Variants in RXFP2 observed in about 807,000 individuals in gnomAD.
RXFP2 encodes relaxin receptor 2.
In RXFP2, 68 loss-of-function variants were observed where a neutral mutation model predicts 88.6. The ratio of observed to expected loss-of-function variants is 0.77; its 90% CI spans 0.63 to 0.94. RXFP2 has a LOEUF of 0.94. Ranked by LOEUF, RXFP2 falls within the 40% of genes least tolerant of loss-of-function variation. The probability of loss-of-function intolerance (pLI) is 0.00; values close to 1 mark genes in which losing one functional copy is unlikely to be tolerated. For synonymous variants in RXFP2, 329 were observed against 306.8 expected (o/e 1.07, Z -0.76); for missense variants, 791 against 893.9 (o/e 0.88, Z 1.47).
chr13:31,741,095 T>C (rs1871209845), intron 1 of RXFP2, among the ~76,000 whole-genome samples: 1 of 152,110 alleles, frequency 6.6e-6, no homozygotes, highest in Non-Finnish European at 1.5e-5. Context: ...TTAATTGATT[T>C]TGCTTAAACC....
chr13:31,791,814 A>G lies in RXFP2; in HGVS notation c.1154A>G (p.Lys385Arg). 6.2e-7 allele frequency: 1 copy of G among 1,613,770 alleles called. No individual in the cohort carries two copies. Among genetic ancestry groups the G allele is most frequent in the Non-Finnish European group, 8.5e-7 (1 of 1,179,706 alleles). ...TTTCCCTTTGACTTTAGTTATTTCA[A>G]AAACTTTCGATACTGCTCCTATGCT... ...PMKNLSHIYF[K>R]NFRYCSYAPH... Residue 385 changes from lysine (K) to arginine (R), a missense_variant, in exon 15 of 18, where the codon AAA becomes AGA. Transcript: ENST00000298386.
intron 16 of RXFP2, among the ~76,000 whole-genome samples, chr13:31,794,401 CA>C (rs1566237264): frequency 5.5e-4 from 82 of 149,742 alleles, no homozygotes; most frequent in African/African-American, 2.0e-3. Context: ...CACACACACA[CA>C]CACACACCAT....
chr13:31,765,271 G>T (rs1213284147), intron 4 of RXFP2, 129 bp downstream of exon 4: 9 of 668,134 alleles, frequency 1.3e-5, no homozygotes, highest in Non-Finnish European at 2.4e-5. Flanking sequence ...AGTCATCAGA[G>T]AATTCTCCAT....
chr13:31,759,436 A>T (rs1029560306), intron 2 of RXFP2, among the ~76,000 whole-genome samples: 1 of 150,898 alleles, frequency 6.6e-6, no homozygotes, highest in Admixed American at 6.6e-5. Context: ...AAAGAAAGAA[A>T]GAAAGAAAGA....
At chr13:31,799,162 T>C (rs1395358242) in intron 17 of RXFP2, among the ~76,000 whole-genome samples, 2 of 151,412 alleles carry the variant, frequency 1.3e-5, no homozygotes, top group Non-Finnish European at 1.5e-5. Context: ...CCAAGAGTGA[T>C]GGAATAGGGG....
In RXFP2 at chr13:31,791,824, A is replaced by G; in HGVS notation, c.1164A>G (p.Arg388=). Residue 388 remains arginine (R), a synonymous_variant, in exon 15 of 18, where the codon CGA becomes CGG. Coordinates refer to ENST00000298386, the MANE Select transcript of RXFP2 (RefSeq NM_130806.5). The part of the protein sequence containing the change: ...NLSHIYFKNF[R]YCSYAPHVRI... The stretch of plus-strand genomic sequence containing the variant: ...ACTTTAGTTATTTCAAAAACTTTCG[A>G]TACTGCTCCTATGCTCCCCATGTCC... 6.2e-7 allele frequency: 1 copy of G among 1,614,028 alleles called. No homozygotes were observed. Among genetic ancestry groups the G allele is most frequent in the Non-Finnish European group, 8.5e-7 (1 of 1,179,936 alleles).
chr13:31,742,128 A>G (rs1410299354), intron 1 of RXFP2, among the ~76,000 whole-genome samples: 1 of 152,214 alleles, frequency 6.6e-6, no homozygotes, highest in East Asian at 1.9e-4. Flanking sequence ...TAGGAACCAT[A>G]TTACAAATCA....
At chr13:31,752,576 G>A (rs1566214686) in intron 1 of RXFP2, among the ~76,000 whole-genome samples, 1 of 152,134 alleles carries the variant, frequency 6.6e-6, no homozygotes, top group Non-Finnish European at 1.5e-5. Context: ...CAACCACCAA[G>A]AGGCCAATTT....
intron 5 of RXFP2, among the ~76,000 whole-genome samples, chr13:31,770,923 T>C (rs528447315): frequency 6.6e-5 from 10 of 152,170 alleles, no homozygotes; most frequent in Non-Finnish European, 1.2e-4. Context: ...AGCACTAACA[T>C]GTAGAACTAA....
intron 2 of RXFP2, among the ~76,000 whole-genome samples, 194 bp downstream of exon 2, chr13:31,758,598 T>A (rs1348595273): frequency 6.6e-6 from 1 of 152,224 alleles, no homozygotes; most frequent in Non-Finnish European, 1.5e-5. Context: ...ACAGGTTACT[T>A]AAGTCAGAAA....
rs115205914 is a variant in RXFP2 at position 31,790,560 on chromosome 13, C to T, written c.1146-1246C>T. ...AAGAAGTATTTGTTGAGTACCTACA[C>T]GTGCCAGGCACTGCGTTAGACACCA... On this transcript the variant is annotated intron_variant, in intron 14 of 17. Coordinates refer to ENST00000298386, the MANE Select transcript of RXFP2 (RefSeq NM_130806.5). 4.7e-3 allele frequency among the ~76,000 whole-genome samples: 712 copies of T among 152,290 alleles called. 3 individuals carry two copies. The highest frequency in any genetic ancestry group is 0.017 in the African/African-American group (691 of 41,548).
chr13:31,793,806 A>G (rs1873904011), intron 16 of RXFP2, among the ~76,000 whole-genome samples: 1 of 152,026 alleles, frequency 6.6e-6, no homozygotes, highest in Non-Finnish European at 1.5e-5. Flanking sequence ...CTTCCCATCC[A>G]AGGAGCCAAC....
rs778648262 is a variant in RXFP2, at chr13:31,777,363, T to C, written c.642-13T>C. Reference sequence around the variant, plus strand: ...CTCTAATATTGGAAATGTTTCTTGATACATTTTGTCAGAATTCTAGATGAC... The same window carrying C: ...CTCTAATATTGGAAATGTTTCTTGACACATTTTGTCAGAATTCTAGATGAC... On this transcript the variant is annotated splice_polypyrimidine_tract_variant and intron_variant, in intron 7 of 17. Transcript: ENST00000298386. The C allele has an allele frequency of 6.3e-7, 1 of 1,584,450 alleles. No individual in the cohort carries two copies. The highest frequency in any genetic ancestry group is 1.3e-5 in the African/African-American group (1 of 74,500).
intron 2 of RXFP2, 143 bp downstream of exon 2, chr13:31,758,547 T>C (rs1462205350): frequency 1.1e-6 from 1 of 894,022 alleles, no homozygotes; most frequent in Admixed American, 2.4e-5. Context: ...AAATAATGAC[T>C]CCCCAATGTA....
chr13:31,762,928 A>G lies in RXFP2; in HGVS notation c.319+1127A>G, dbSNP rs1872367423. Among the ~76,000 whole-genome samples the G allele has an allele frequency of 2.6e-5, 4 of 152,236 alleles. No individual in the cohort carries two copies. The South Asian group carries it at 6.2e-4, about 24-fold the overall frequency. On this transcript the variant is annotated intron_variant, in intron 3 of 17. Transcript: ENST00000298386. ...GCCTTATGTTTGTTTGATTTGTTCT[A>G]TATTTCTTTCATTCTTAATGAGGAG...
At chr13:31,765,292 C>T in intron 4 of RXFP2, 150 bp downstream of exon 4, 1 of 635,848 alleles carries the variant, frequency 1.6e-6, no homozygotes, top group Admixed American at 2.4e-5. Flanking sequence ...GCTTCCTATT[C>T]AGGGGGAAAA....
At chr13:31,770,625 A>C (rs1872701645) in intron 5 of RXFP2, among the ~76,000 whole-genome samples, 1 of 152,176 alleles carries the variant, frequency 6.6e-6, no homozygotes, top group African/African-American at 2.4e-5. Flanking sequence ...CCAGGAGGCA[A>C]ACTGAGACTT....
At chr13:31,751,016 G>A (rs1871645673) in intron 1 of RXFP2, among the ~76,000 whole-genome samples, 1 of 152,200 alleles carries the variant, frequency 6.6e-6, no homozygotes, top group Admixed American at 6.5e-5. Context: ...ATAGCTGGGT[G>A]CAGTGGCTCA....
chr13:31,789,834 G>T (rs1873714792), intron 14 of RXFP2, among the ~76,000 whole-genome samples: 1 of 152,196 alleles, frequency 6.6e-6, no homozygotes, highest in Non-Finnish European at 1.5e-5. Context: ...GCAAGTGGAT[G>T]AAATGGTGGC....
Sources: allele counts gnomAD v4.1 joint callset (sites outside exome capture counted in the v4.1 genomes callset), GRCh38; gene constraint gnomAD v4.1.1; transcripts MANE v1.5; gene names NCBI Gene and HGNC (gene_info 2026-07-23, HGNC 2026-07-21).